Variants in KCNIP4 observed in about 807,000 individuals in gnomAD.
KCNIP4 encodes potassium voltage-gated channel interacting protein 4.
A neutral mutation model predicts 34.0 loss-of-function variants in KCNIP4; 12 were observed. The observed-to-expected ratio is 0.35, with a 90% CI of 0.23 to 0.57. The LOEUF is 0.57. KCNIP4 is among the 20% of genes least tolerant of loss of function. The pLI is 0.83. For missense variants in KCNIP4, 238 were observed against 311.7 expected, an observed-to-expected ratio of 0.76 and a Z score of 1.78; for synonymous variants, 124 against 102.2, an observed-to-expected ratio of 1.21 and a Z score of -1.29.
At chr4:21,324,230 G>T (rs1714796743) in intron 1 of KCNIP4, among the ~76,000 whole-genome samples, 1 of 151,802 alleles carries the variant, frequency 6.6e-6, no homozygotes, top group South Asian at 2.1e-4. Context: ...TTTCTTTGCT[G>T]TGCAGAAATA....
At chr4:20,733,648 T>C (rs1237138988) in intron 6 of KCNIP4, among the ~76,000 whole-genome samples, 6 of 152,178 alleles carry the variant, frequency 3.9e-5, no homozygotes, top group Admixed American at 3.3e-4. Context: ...GAGGTAAGAA[T>C]TGAAGAACAA....
rs75724645 is a variant in KCNIP4, at chr4:20,920,499, A to G, written c.62-37790T>C. Among the ~76,000 whole-genome samples, 370 of 152,324 alleles carry G rather than the reference A, an allele frequency of 2.4e-3. 2 individuals are homozygous for G. The highest frequency in any genetic ancestry group is 8.6e-3 in the African/African-American group (358 of 41,580). ...ATAACAGCACAGGCTCACAATCATG[A>G]AAAGGAATATTGTGGAACCATATGA... On this transcript the variant is annotated intron_variant, in intron 1 of 8. Transcript: ENST00000382152.
intron 1 of KCNIP4, among the ~76,000 whole-genome samples, chr4:21,908,948 GA>G (rs1365422892): frequency 6.6e-6 from 1 of 152,022 alleles, no homozygotes; most frequent in Non-Finnish European, 1.5e-5. Context: ...TGTGTTATGG[GA>G]TACGTTTTCT....
chr4:21,570,460 C>T (rs1176110981), intron 1 of KCNIP4, among the ~76,000 whole-genome samples: 1 of 152,014 alleles, frequency 6.6e-6, no homozygotes, highest in Non-Finnish European at 1.5e-5. Flanking sequence ...ACAAAATATA[C>T]AATAGCTGTT....
At chr4:21,486,111 G>A (rs1374372261) in intron 1 of KCNIP4, among the ~76,000 whole-genome samples, 1 of 152,184 alleles carries the variant, frequency 6.6e-6, no homozygotes, top group African/African-American at 2.4e-5. Context: ...TGGAAACACA[G>A]CAGCAGAAAG....
At chr4:21,111,742 G>A (rs765213500) in intron 1 of KCNIP4, among the ~76,000 whole-genome samples, 3 of 152,164 alleles carry the variant, frequency 2.0e-5, no homozygotes, top group Non-Finnish European at 2.9e-5. Flanking sequence ...GAGTGCTGCC[G>A]ACCAGAAGAG....
intron 1 of KCNIP4, among the ~76,000 whole-genome samples, chr4:21,138,531 T>C (rs1376117146): frequency 9.8e-6 from 1 of 102,144 alleles, no homozygotes; most frequent in Non-Finnish European, 2.0e-5. Context: ...TTTTTCTTCT[T>C]CTTTTTTTTG....
At chr4:20,960,744 A>T (rs750943791) in intron 1 of KCNIP4, among the ~76,000 whole-genome samples, 9 of 152,246 alleles carry the variant, frequency 5.9e-5, no homozygotes, top group Non-Finnish European at 8.8e-5. Context: ...TCCATTAGTG[A>T]ACCAGAAATG....
chr4:21,202,178 A>C (rs182043345), intron 1 of KCNIP4, among the ~76,000 whole-genome samples: 11 of 152,314 alleles, frequency 7.2e-5, no homozygotes, highest in Admixed American at 2.0e-4. Context: ...AATGTCCATC[A>C]CAGCTGTCTG....
intron 1 of KCNIP4, among the ~76,000 whole-genome samples, chr4:21,259,925 G>A (rs932284436): frequency 8.6e-5 from 13 of 151,604 alleles, no homozygotes; most frequent in South Asian, 2.1e-4. Flanking sequence ...GTGTGTGCAC[G>A]TGCGCTTATG....
chr4:21,381,578 T>C (rs1389914593), intron 1 of KCNIP4, among the ~76,000 whole-genome samples: 1 of 152,220 alleles, frequency 6.6e-6, no homozygotes, highest in African/African-American at 2.4e-5. Flanking sequence ...GCTCAACCAC[T>C]GAGCTGACAA....
chr4:21,899,858 T>A (rs1444517209), intron 1 of KCNIP4, among the ~76,000 whole-genome samples: 2 of 152,152 alleles, frequency 1.3e-5, no homozygotes, highest in African/African-American at 4.8e-5. Context: ...AAAATGTCTA[T>A]ACTACATAAG....
At chr4:21,106,805 T>A (rs12645119) in intron 1 of KCNIP4, among the ~76,000 whole-genome samples, 21,853 of 151,600 alleles carry the variant, frequency 0.14, 1,903 homozygotes, top group East Asian at 0.23. Flanking sequence ...GTGTCTTTTT[T>A]CTCGTTGGTG....
At chr4:21,128,453 T>C (rs2109161567) in intron 1 of KCNIP4, among the ~76,000 whole-genome samples, 1 of 152,348 alleles carries the variant, frequency 6.6e-6, no homozygotes, top group South Asian at 2.1e-4. Flanking sequence ...GATTTTTCCC[T>C]ATATGAAGCC....
At chr4:21,556,723 C>T (rs557489566) in intron 1 of KCNIP4, among the ~76,000 whole-genome samples, 56 of 151,974 alleles carry the variant, frequency 3.7e-4, no homozygotes, top group African/African-American at 1.3e-3. Flanking sequence ...GAGTTCCAGA[C>T]CTGCCTGGCC....
At chr4:21,068,378 GT>G (rs1744599887) in intron 1 of KCNIP4, among the ~76,000 whole-genome samples, 1 of 151,956 alleles carries the variant, frequency 6.6e-6, no homozygotes, top group South Asian at 2.1e-4. Flanking sequence ...TCCTCAAAAC[GT>G]TCTATACACT....
intron 1 of KCNIP4, chr4:21,304,063 GAGAGACAGAGAGAGAGAGAGAGAC>G (rs1477798455): frequency 3.6e-5 from 13 of 362,658 alleles, no homozygotes; most frequent in African/African-American, 2.5e-4. Flanking sequence ...GAGAGAGAGA[GAGAGACAGAGAGAGAGAGAGAGAC>G]AGAGAGAGAG....
intron 1 of KCNIP4, among the ~76,000 whole-genome samples, chr4:20,899,258 C>T (rs777905475): frequency 7.9e-5 from 12 of 152,240 alleles, no homozygotes; most frequent in Middle Eastern, 3.4e-3. Context: ...AAATCAGGGA[C>T]AACAAATCAA....
At chr4:21,512,604 G>A (rs1734429701) in intron 1 of KCNIP4, among the ~76,000 whole-genome samples, 1 of 152,082 alleles carries the variant, frequency 6.6e-6, no homozygotes, top group Non-Finnish European at 1.5e-5. Context: ...GGAGACTCAG[G>A]CCACAGAGAT....
Sources: gnomAD v4.1 joint callset for allele counts (sites outside exome capture counted in the v4.1 genomes callset) on GRCh38, gnomAD v4.1.1 for gene constraint, MANE v1.5 for transcripts, NCBI Gene and HGNC (gene_info 2026-07-23, HGNC 2026-07-21) for gene names.